The following CYLD variants were observed in gnomAD, a reference collection of about 807,000 sequenced individuals.
CYLD encodes CYLD lysine 63 deubiquitinase, also known as ubiquitin carboxyl-terminal hydrolase CYLD.
In CYLD, 26 loss-of-function variants were observed where a neutral mutation model predicts 104.5. The ratio of observed to expected loss-of-function variants is 0.25; its 90% CI spans 0.18 to 0.35. CYLD has a LOEUF of 0.35. Among genes scored for constraint, CYLD ranks in the 10% least tolerant of loss-of-function variants. The pLI is 1.00. For synonymous variants in CYLD, 385 were observed against 399.9 expected, an observed-to-expected ratio of 0.96 and a Z score of 0.45; for missense variants, 703 against 1,136.1, an observed-to-expected ratio of 0.62 and a Z score of 5.48.
rs1427376323 is a variant in CYLD at position 50,801,312 on chromosome 16, A to G, written c.*4804A>G. The G allele has an allele frequency of 8.6e-6, 2 of 233,374 alleles. No individual in the cohort carries two copies. Among genetic ancestry groups the G allele is most frequent in the Admixed American group, 5.6e-5 (1 of 17,788 alleles). The allele number at this position is 233,374 out of a possible 1,614,324, so 14.5% of individuals were successfully genotyped here. A position where few individuals can be genotyped will look rare whatever the true frequency, so the allele number is the denominator to read the frequency against. On this transcript the variant is annotated 3_prime_UTR_variant, in exon 19 of 19. Transcript: ENST00000427738. ...TCTGTAGCCAGGTTACTCAAGAACC[A>G]CATTTGATTTCCTGGCCCTTTGCCT... is the stretch of plus-strand genomic sequence containing the variant.
chr16:50,771,890 T>C (rs2150970320), intron 5 of CYLD, among the ~76,000 whole-genome samples: 1 of 152,328 alleles, frequency 6.6e-6, no homozygotes, highest in East Asian at 1.9e-4. Flanking sequence ...TATTTCTTGG[T>C]TCTCCATTCT....
intron 8 of CYLD, among the ~76,000 whole-genome samples, chr16:50,778,541 G>A (rs1300202687): frequency 2.0e-5 from 3 of 152,178 alleles, no homozygotes; most frequent in Non-Finnish European, 4.4e-5. Context: ...AGGGTCTTAG[G>A]GGTGTTTCTT....
intron 13 of CYLD, chr16:50,787,571 C>T (rs2151017622): frequency 4.1e-6 from 2 of 484,878 alleles, no homozygotes; most frequent in East Asian, 3.7e-5. Context: ...GTAATAAACT[C>T]ACAACAAAAT....
rs561988341 is a variant in CYLD, at chr16:50,782,290, C to A, written c.1685-35C>A. On this transcript the variant is annotated intron_variant, in intron 10 of 18. Transcript: ENST00000427738. ...CATATTGTAATAGTTTAAAAGAATTCTTTTCATTTACTTTTTTTAAAAAAA... is the reference window on the plus strand; with the variant it reads ...CATATTGTAATAGTTTAAAAGAATTATTTTCATTTACTTTTTTTAAAAAAA... 39 of 1,435,514 alleles carry A rather than the reference C, an allele frequency of 2.7e-5. 1 individual carries two copies. In the African/African-American group the frequency reaches 3.0e-4, roughly 11 times the overall value. 88.9% of individuals were successfully genotyped at this position (1,435,514 alleles called of 1,614,324 possible).
chr16:50,784,289 T>G (rs764278067), intron 11 of CYLD, 40 bp from the exon 12 acceptor site: 87 of 1,604,484 alleles, frequency 5.4e-5, no homozygotes, highest in Non-Finnish European at 4.4e-5. Context: ...TTGAAAAATA[T>G]GTTTACAGCA....
rs772493242 is a variant in CYLD, at chr16:50,751,747, C to T, written c.648C>T (p.Tyr216=). 3.3e-5 allele frequency: 53 copies of T among 1,613,584 alleles called. No individual in the cohort carries two copies. The highest frequency in any genetic ancestry group is 8.8e-5 in the South Asian group (8 of 91,080). Residue 216 remains tyrosine (Y), a synonymous_variant, in exon 4 of 19, where the codon TAC becomes TAT. Coordinates refer to ENST00000427738, the MANE Select transcript of CYLD (RefSeq NM_001378743.1). The part of the protein sequence containing the change: ...EDDDTALESD[Y]AGPGDTMQVE... Reference sequence around the variant, plus strand: ...ATGACACTGCATTGGAAAGTGATTACGCAGGTCCTGGGGACACAATGCAGG... The same window carrying T: ...ATGACACTGCATTGGAAAGTGATTATGCAGGTCCTGGGGACACAATGCAGG...
At chr16:50,795,062 C>T (rs1971877227) in intron 18 of CYLD, among the ~76,000 whole-genome samples, 1 of 152,180 alleles carries the variant, frequency 6.6e-6, no homozygotes, top group Non-Finnish European at 1.5e-5. Context: ...GCCACGGTAG[C>T]TGTTTATTGA....
In CYLD at chr16:50,801,349, G is replaced by A. The variant is rs886052071; in HGVS notation, c.*4841G>A. 4.3e-6 allele frequency: 1 copy of A among 233,500 alleles called. No homozygotes were observed. The highest frequency in any genetic ancestry group is 8.5e-6 in the Non-Finnish European group (1 of 118,066). The allele number at this position is 233,500 out of a possible 1,614,324, so 14.5% of individuals were successfully genotyped here. A position where few individuals can be genotyped will look rare whatever the true frequency, so the allele number is the denominator to read the frequency against. On this transcript the variant is annotated 3_prime_UTR_variant, in exon 19 of 19. Transcript: ENST00000427738. ...CTGGCCCTTTGCCTTGGCAGTGATG[G>A]CATTTTTATTTCACTGTGTTTTAAA...
At chr16:50,743,303 A>G (rs1220905523) in intron 2 of CYLD, among the ~76,000 whole-genome samples, 1 of 152,152 alleles carries the variant, frequency 6.6e-6, no homozygotes, top group Non-Finnish European at 1.5e-5. Context: ...CCCCAAGTAG[A>G]CTGAATGGCC....
chr16:50,763,712 C>CT (rs1219890281), intron 5 of CYLD, among the ~76,000 whole-genome samples: 1 of 152,128 alleles, frequency 6.6e-6, no homozygotes, highest in African/African-American at 2.4e-5. Flanking sequence ...TTTGCCTCTT[C>CT]TGAATTCTTT....
At chr16:50,795,572 C>A in intron 18 of CYLD, 1 of 702,996 alleles carries the variant, frequency 1.4e-6, no homozygotes, top group Non-Finnish European at 2.6e-6. Flanking sequence ...CCAGCCCCCA[C>A]GGCCTTCTGG....
At chr16:50,745,323 G>A (rs960507090) in intron 2 of CYLD, among the ~76,000 whole-genome samples, 1 of 129,006 alleles carries the variant, frequency 7.8e-6, no homozygotes, top group African/African-American at 3.0e-5. Context: ...GTGGATTGAT[G>A]TTGGGTTTTT....
At chr16:50,751,571 A>G (rs1477398019) in intron 3 of CYLD, 33 bp from the exon 4 acceptor site, 1 of 1,604,824 alleles carries the variant, frequency 6.2e-7, no homozygotes, top group Admixed American at 1.7e-5. Context: ...GTCTTTCTAT[A>G]TCTATTTCTT....
At position 50,774,814 on chromosome 16, in the gene CYLD, C is replaced by T. The variant is rs567964829; in HGVS notation, c.914-352C>T. ...GTGGTTGACTGTGGGTAACTGATAC[C>T]GTGGAAGGTAAAAGTGTGGATAAGT... On this transcript the variant is annotated intron_variant, in intron 5 of 18. Transcript: ENST00000427738. Among the ~76,000 whole-genome samples the T allele has an allele frequency of 2.6e-5, 4 of 152,194 alleles. No individual in the cohort carries two copies. The East Asian group carries it at 5.8e-4, about 22-fold the overall frequency.
chr16:50,786,639 A>G (rs1970858949), intron 12 of CYLD: 1 of 489,322 alleles, frequency 2.0e-6, no homozygotes, highest in Non-Finnish European at 3.7e-6. Context: ...GCACGCCTGT[A>G]ATTCCAGCTA....
In CYLD at chr16:50,742,823, G is replaced by A; in HGVS notation, c.-142G>A. On this transcript the variant is annotated 5_prime_UTR_variant, in exon 2 of 19. It adds an upstream start codon to the 5' untranslated region. Coordinates refer to ENST00000427738, the MANE Select transcript of CYLD (RefSeq NM_001378743.1). ...CCACCCGGAGTTCCTTAGTTGAAAG[G>A]TGCGCCCTGCTGTGACAGGTATTCT... 2.5e-6 allele frequency: 1 copy of A among 396,552 alleles called. No homozygotes were observed. The highest frequency in any genetic ancestry group is 4.4e-6 in the Non-Finnish European group (1 of 225,352). The allele number at this position is 396,552 out of a possible 1,614,324, so 24.6% of individuals were successfully genotyped here. A position where few individuals can be genotyped will look rare whatever the true frequency, so the allele number is the denominator to read the frequency against.
At chr16:50,773,175 C>T (rs2150973524) in intron 5 of CYLD, among the ~76,000 whole-genome samples, 1 of 152,254 alleles carries the variant, frequency 6.6e-6, no homozygotes, top group Non-Finnish European at 1.5e-5. Flanking sequence ...TAAACAATTT[C>T]TCTTAATTTA....
At position 50,779,809 on chromosome 16, in the gene CYLD, A is replaced by G; in HGVS notation, c.1283A>G (p.Asn428Ser). Residue 428 changes from asparagine (N) to serine (S), a missense_variant, in exon 9 of 19, where the codon AAT becomes AGT. Physicochemically the swap from Asn to Ser is conservative, Grantham distance 46. This residue lies in a region of CYLD where 183 missense variants were observed against 212.1 expected (regional missense o/e 0.86). Coordinates refer to ENST00000427738, the MANE Select transcript of CYLD (RefSeq NM_001378743.1). ...CCATTCAGTCTCACCAAGATGCCCA[A>G]TACCAATGGAAGTATTGGCCACAGT... ...SLPFSLTKMP[N>S]TNGSIGHSPL... The G allele has an allele frequency of 6.2e-7, 1 of 1,613,778 alleles. No individual in the cohort carries two copies. The highest frequency in any genetic ancestry group is 1.7e-5 in the Admixed American group (1 of 59,974).
chr16:50,742,464 A>C, intron 1 of CYLD: 10 of 244,646 alleles, frequency 4.1e-5, no homozygotes, highest in East Asian at 1.4e-4. Flanking sequence ...GAGTCCGGGG[A>C]GCGTGCGGGG....
Sources: allele counts gnomAD v4.1 joint callset (sites outside exome capture counted in the v4.1 genomes callset), GRCh38; gene constraint gnomAD v4.1.1; regional missense constraint gnomAD v4.1.1; transcripts MANE v1.5; gene names NCBI Gene and HGNC (gene_info 2026-07-23, HGNC 2026-07-21).